ROBO2: variants seen among roughly 807,000 people sequenced by gnomAD.
The protein encoded by ROBO2 is roundabout homolog 2.
Under a neutral mutation model 160.8 loss-of-function variants are expected in ROBO2, and 53 were observed. The observed-to-expected ratio is 0.33, with a 90% CI of 0.26 to 0.41. The LOEUF is 0.41. Ranked by LOEUF, ROBO2 falls within the 10% of genes least tolerant of loss-of-function variation. The pLI, the probability that ROBO2 is intolerant of heterozygous loss-of-function variation, is 1.00. For synonymous variants in ROBO2, 664 were observed against 611.7 expected (o/e 1.09, Z -1.26); for missense variants, 1,577 against 1,722.4 (o/e 0.92, Z 1.49).
At position 76,453,956 on chromosome 3, in the gene ROBO2, A is replaced by G. The variant is rs552752966; in HGVS notation, c.109+516354A>G. Among the ~76,000 whole-genome samples, 5 of 152,234 alleles carry G rather than the reference A, an allele frequency of 3.3e-5. No homozygotes were observed. In the South Asian group the frequency reaches 1.0e-3, roughly 32 times the overall value. On this transcript the variant is annotated intron_variant, in intron 2 of 26. Transcript: ENST00000487694. ...TTCATGTGGAGTTGCAGAGCCCAGA[A>G]AGTGCATGAGTACCTGTCTATTGTC...
intron 2 of ROBO2, among the ~76,000 whole-genome samples, chr3:75,970,325 C>G (rs1301591618): frequency 7.3e-5 from 11 of 151,456 alleles, no homozygotes; most frequent in Non-Finnish European, 1.3e-4. Flanking sequence ...TCATAAGGAG[C>G]AAGCACATTT....
intron 2 of ROBO2, among the ~76,000 whole-genome samples, chr3:77,218,904 G>A (rs1220370759): frequency 2.0e-5 from 3 of 152,130 alleles, no homozygotes; most frequent in Non-Finnish European, 4.4e-5. Context: ...TTTATTAAAT[G>A]TTCTTGAATG....
At chr3:76,699,195 C>A (rs2092995350) in intron 2 of ROBO2, among the ~76,000 whole-genome samples, 3 of 152,194 alleles carry the variant, frequency 2.0e-5, no homozygotes, top group South Asian at 2.1e-4. Context: ...ATATTGAGAT[C>A]TTTTCCGACC....
chr3:77,559,826 A>T (rs980601289), intron 9 of ROBO2, among the ~76,000 whole-genome samples: 6 of 152,014 alleles, frequency 3.9e-5, no homozygotes, highest in Non-Finnish European at 7.4e-5. Context: ...TTAATTTTTG[A>T]GATACAGGCA....
At chr3:76,364,564 G>A (rs915007871) in intron 2 of ROBO2, among the ~76,000 whole-genome samples, 1 of 152,008 alleles carries the variant, frequency 6.6e-6, no homozygotes, top group East Asian at 1.9e-4. Context: ...TAACTTGGCT[G>A]TAATTCATGA....
At chr3:77,326,911 A>T (rs1213158951) in intron 2 of ROBO2, among the ~76,000 whole-genome samples, 1 of 152,276 alleles carries the variant, frequency 6.6e-6, no homozygotes, top group Middle Eastern at 3.4e-3. Context: ...TTAAATATGA[A>T]TTCTGCTTTA....
At chr3:77,593,403 G>GA (rs1320117153) in intron 17 of ROBO2, among the ~76,000 whole-genome samples, 3 of 152,176 alleles carry the variant, frequency 2.0e-5, no homozygotes, top group Non-Finnish European at 1.5e-5. Context: ...ATGTGGGACA[G>GA]ATGCACTGCT....
intron 2 of ROBO2, among the ~76,000 whole-genome samples, chr3:77,375,307 A>G (rs560892494): frequency 2.0e-5 from 3 of 152,376 alleles, no homozygotes; most frequent in African/African-American, 7.2e-5. Context: ...TCCCAATGAC[A>G]ATAGAATGTC....
At chr3:77,634,982 C>T (rs759066314) in exon 24 of ROBO2, 2 of 1,614,130 alleles carry the variant, frequency 1.2e-6, no homozygotes, top group South Asian at 1.1e-5. Flanking sequence ...CTAAAAAACA[C>T]AAGGGAGGGC....
chr3:76,355,361 A>G (rs1331991918), intron 2 of ROBO2, among the ~76,000 whole-genome samples: 1 of 151,750 alleles, frequency 6.6e-6, no homozygotes, highest in Non-Finnish European at 1.5e-5. Context: ...TATTTCATCT[A>G]CATATCATTT....
At chr3:77,136,759 C>T (rs907593485) in intron 2 of ROBO2, among the ~76,000 whole-genome samples, 26 of 151,782 alleles carry the variant, frequency 1.7e-4, no homozygotes, top group Non-Finnish European at 2.6e-4. Context: ...GCCTCAGCCT[C>T]CTGAGTAGCT....
At chr3:77,291,334 C>G (rs1399132772) in intron 2 of ROBO2, among the ~76,000 whole-genome samples, 1 of 149,042 alleles carries the variant, frequency 6.7e-6, no homozygotes, top group African/African-American at 2.5e-5. Context: ...CTAGATCACC[C>G]CAGACGTAAA....
chr3:76,890,398 T>A (rs895727825), intron 2 of ROBO2, among the ~76,000 whole-genome samples: 2 of 152,162 alleles, frequency 1.3e-5, no homozygotes, highest in African/African-American at 4.8e-5. Context: ...CTATACTTTA[T>A]TACCTAAGAT....
At chr3:77,045,849 T>A (rs990584812) in intron 1 of ROBO2, among the ~76,000 whole-genome samples, 1 of 152,274 alleles carries the variant, frequency 6.6e-6, no homozygotes, top group African/African-American at 2.4e-5. Flanking sequence ...ATTTTATATA[T>A]AAATGCAATC....
intron 2 of ROBO2, among the ~76,000 whole-genome samples, chr3:77,306,850 C>T (rs2063138700): frequency 6.6e-6 from 1 of 152,056 alleles, no homozygotes; most frequent in Non-Finnish European, 1.5e-5. Context: ...TTCTAGAATT[C>T]TTAAATTGAA....
At chr3:77,524,874 G>T (rs1363160616) in intron 6 of ROBO2, among the ~76,000 whole-genome samples, 9 of 150,440 alleles carry the variant, frequency 6.0e-5, no homozygotes, top group Non-Finnish European at 1.3e-4. Flanking sequence ...TATTCTTTGT[G>T]GTATGAATTT....
intron 2 of ROBO2, among the ~76,000 whole-genome samples, chr3:76,963,435 C>A (rs1337478804): frequency 6.6e-6 from 1 of 152,050 alleles, no homozygotes; most frequent in Non-Finnish European, 1.5e-5. Flanking sequence ...ATGAGGGGAA[C>A]TTAGCACTAA....
At chr3:76,962,854 C>A (rs909963301) in intron 2 of ROBO2, among the ~76,000 whole-genome samples, 2 of 152,046 alleles carry the variant, frequency 1.3e-5, no homozygotes, top group African/African-American at 4.8e-5. Context: ...ATTCTCTAGT[C>A]CTATTGCTGT....
intron 24 of ROBO2, among the ~76,000 whole-genome samples, chr3:77,635,950 G>A (rs1559776554): frequency 6.6e-6 from 1 of 152,120 alleles, no homozygotes; most frequent in Non-Finnish European, 1.5e-5. Context: ...TTTGGTGTCT[G>A]GTGAGGACCC....
Sources: gnomAD v4.1 joint callset for allele counts (sites outside exome capture counted in the v4.1 genomes callset) on GRCh38, gnomAD v4.1.1 for gene constraint, MANE v1.5 for transcripts, NCBI Gene and HGNC (gene_info 2026-07-23, HGNC 2026-07-21) for gene names.